CACNA1E: variants seen among roughly 807,000 people sequenced by gnomAD.
The protein encoded by CACNA1E is calcium voltage-gated channel subunit alpha1 E.
Under a neutral mutation model 259.2 loss-of-function variants are expected in CACNA1E, and 40 were observed. That is an observed-to-expected ratio of 0.15 (90% confidence interval 0.12 to 0.20). CACNA1E has a LOEUF of 0.20. Among genes scored for constraint, CACNA1E ranks in the 10% least tolerant of loss-of-function variants. CACNA1E has a pLI of 1.00. For synonymous variants in CACNA1E, 1,104 were observed against 1,138.5 expected (o/e 0.97, Z 0.61); for missense variants, 1,874 against 3,040.1 (o/e 0.62, Z 9.02).
At chr1:181,409,452 T>A (rs1007138507) in intron 1 of CACNA1E, among the ~76,000 whole-genome samples, 2 of 152,218 alleles carry the variant, frequency 1.3e-5, no homozygotes, top group African/African-American at 4.8e-5. Flanking sequence ...AAGAAGGGGA[T>A]AATCAGAATA....
intron 1 of CACNA1E, among the ~76,000 whole-genome samples, chr1:181,378,705 C>G (rs1259984940): frequency 6.6e-6 from 1 of 152,110 alleles, no homozygotes; most frequent in Non-Finnish European, 1.5e-5. Flanking sequence ...ATAAATAGTG[C>G]CTATTCTCAG....
intron 7 of CACNA1E, 138 bp downstream of exon 7, chr1:181,651,579 C>T: frequency 1.6e-6 from 1 of 612,458 alleles, no homozygotes. Context: ...GTGCCAAATG[C>T]TTTCTAGATG....
intron 3 of CACNA1E, among the ~76,000 whole-genome samples, chr1:181,542,897 T>A (rs1189448097): frequency 2.0e-5 from 3 of 146,888 alleles, no homozygotes; most frequent in Non-Finnish European, 4.5e-5. Context: ...GTTTATTAGT[T>A]TGGGAAATGC....
chr1:181,595,238 C>G (rs1264245031), intron 6 of CACNA1E, among the ~76,000 whole-genome samples: 1 of 152,144 alleles, frequency 6.6e-6, no homozygotes, highest in Non-Finnish European at 1.5e-5. Flanking sequence ...CCAGGGGTCT[C>G]TATGATGCCA....
At chr1:181,781,725 C>A (rs1215715738) in intron 39 of CACNA1E, among the ~76,000 whole-genome samples, 1 of 152,160 alleles carries the variant, frequency 6.6e-6, no homozygotes, top group African/African-American at 2.4e-5. Context: ...GTTTTTAATA[C>A]TGTTCAACAT....
rs1662615996 is a variant in CACNA1E, at chr1:181,806,258, C to T, written c.*7424C>T. On this transcript the variant is annotated 3_prime_UTR_variant, in exon 48 of 48. Transcript: ENST00000367573. ...GGCCAGTGAGTGGGATGGGAATGAG[C>T]TTCATCAGGAACAGATTTCAGACTC... The T allele has an allele frequency of 1.3e-5, 2 of 152,306 alleles. No homozygotes were observed. The highest frequency in any genetic ancestry group is 4.8e-5 in the African/African-American group (2 of 41,440). The allele number at this position is 152,306 out of a possible 1,614,324, so 9.4% of individuals were successfully genotyped here.
intron 7 of CACNA1E, among the ~76,000 whole-genome samples, chr1:181,685,739 A>G (rs984168640): frequency 1.3e-5 from 2 of 152,158 alleles, no homozygotes; most frequent in African/African-American, 2.4e-5. Flanking sequence ...CACACTCTCA[A>G]ACTTTGTCTG....
chr1:181,433,119 G>C (rs1291841667), intron 2 of CACNA1E, among the ~76,000 whole-genome samples: 2 of 152,176 alleles, frequency 1.3e-5, no homozygotes, highest in South Asian at 4.1e-4. Context: ...AGAGCTCCAA[G>C]GTTTCTTTCA....
intron 2 of CACNA1E, among the ~76,000 whole-genome samples, chr1:181,454,446 G>A (rs1409035090): frequency 1.3e-5 from 2 of 152,170 alleles, no homozygotes; most frequent in African/African-American, 4.8e-5. Flanking sequence ...GACAGTTGAG[G>A]CTTAGACAAG....
chr1:181,477,092 T>C (rs77097038), intron 2 of CACNA1E, among the ~76,000 whole-genome samples: 4,404 of 152,214 alleles, frequency 0.029, 70 homozygotes, highest in Non-Finnish European at 0.034. Context: ...CCTAGATACA[T>C]TGAAAGAAAA....
At chr1:181,561,290 G>A (rs1341363304) in intron 3 of CACNA1E, among the ~76,000 whole-genome samples, 1 of 152,086 alleles carries the variant, frequency 6.6e-6, no homozygotes, top group Non-Finnish European at 1.5e-5. Context: ...TTTTTTTGAA[G>A]TTGGGTTTAT....
intron 6 of CACNA1E, among the ~76,000 whole-genome samples, chr1:181,611,580 G>C (rs1022711093): frequency 2.6e-5 from 4 of 152,088 alleles, no homozygotes; most frequent in African/African-American, 9.7e-5. Context: ...AGATAGACCT[G>C]AGGTACACAG....
Position 181,715,370 on chromosome 1 carries a change from G to T in CACNA1E, c.1204G>T (p.Ala402Ser). 1 of 1,600,788 alleles carries T rather than the reference G, an allele frequency of 6.2e-7. No individual in the cohort carries two copies. The highest frequency in any genetic ancestry group is 1.7e-5 in the Admixed American group (1 of 59,344). The change falls in exon 9 of 48, where the codon GCT (alanine) becomes TCT (serine). Residue 402 changes from alanine (A) to serine (S), a missense_variant. Around this residue, in one of 14 missense-constraint regions of CACNA1E, gnomAD observed 157 missense variants for 203.5 expected, o/e 0.77. Transcript: ENST00000367573. ...CATGCTCGCTGAAGAAAATAAAAATGCTGGAACATCCGCCTTAGAAGGTAA... is the reference window on the plus strand; with the variant it reads ...CATGCTCGCTGAAGAAAATAAAAATTCTGGAACATCCGCCTTAGAAGGTAA... ...EVMLAEENKN[A>S]GTSALEVLRR...
chr1:181,426,364 TCATCTCAACCCCTTCC>T (rs1659198981), intron 2 of CACNA1E, among the ~76,000 whole-genome samples: 2 of 151,060 alleles, frequency 1.3e-5, no homozygotes, highest in African/African-American at 4.9e-5. Context: ...TCAACCCAGC[TCATCTCAACCCCTTCC>T]CATCTCAACC....
At chr1:181,725,802 A>T (rs1312483924) in intron 17 of CACNA1E, among the ~76,000 whole-genome samples, 2 of 152,210 alleles carry the variant, frequency 1.3e-5, no homozygotes, top group Non-Finnish European at 2.9e-5. Flanking sequence ...CCTGGTTCTC[A>T]TGAGCAACCT....
chr1:181,681,029 A>G (rs1649916753), intron 7 of CACNA1E, among the ~76,000 whole-genome samples: 1 of 152,248 alleles, frequency 6.6e-6, no homozygotes, highest in Non-Finnish European at 1.5e-5. Flanking sequence ...ACTGTCAGTT[A>G]AATGCTTTAG....
intron 1 of CACNA1E, among the ~76,000 whole-genome samples, chr1:181,484,253 C>T (rs976669472): frequency 6.6e-6 from 1 of 152,122 alleles, no homozygotes; most frequent in East Asian, 1.9e-4. Context: ...CTTTAGTGTC[C>T]CTGGGTGCAT....
chr1:181,510,382 A>G (rs1666064131), intron 1 of CACNA1E, 95 bp from the exon 2 acceptor site: 11 of 790,728 alleles, frequency 1.4e-5, no homozygotes, highest in Middle Eastern at 2.2e-4. Context: ...GCACAGACAC[A>G]ATGCGGGTTG....
At position 181,486,240 on chromosome 1, in the gene CACNA1E, C is replaced by T. The variant is rs149620035; in HGVS notation, c.266+2230C>T. On this transcript the variant is annotated intron_variant, in intron 1 of 47. Coordinates refer to ENST00000367573, the MANE Select transcript of CACNA1E (RefSeq NM_001205293.3). ...AGCATCATGCTCAGTGCCTTGGCCC[C>T]GAGCCCTGTCCCAATGGTCTCTTTT... Among the ~76,000 whole-genome samples, 79 of 152,300 alleles carry T rather than the reference C, an allele frequency of 5.2e-4. 1 individual carries two copies. Among genetic ancestry groups the T allele is most frequent in the African/African-American group, 1.8e-3 (73 of 41,574 alleles).
Sources: gnomAD v4.1 joint callset for allele counts (sites outside exome capture counted in the v4.1 genomes callset) on GRCh38, gnomAD v4.1.1 for gene constraint, gnomAD v4.1.1 regional missense constraint, MANE v1.5 for transcripts, NCBI Gene and HGNC (gene_info 2026-07-23, HGNC 2026-07-21) for gene names.